CATSPERB: variants seen among roughly 807,000 people sequenced by gnomAD.
The protein encoded by CATSPERB is cation channel sperm-associated auxiliary subunit beta.
A neutral mutation model predicts 128.3 loss-of-function variants in CATSPERB; 93 were observed. That is an observed-to-expected ratio of 0.72 (90% CI 0.61 to 0.86). CATSPERB has a LOEUF of 0.86. CATSPERB is among the 40% of genes least tolerant of loss of function. CATSPERB has a pLI of 0.00. For missense variants in CATSPERB, 1,153 were observed against 1,329.5 expected, an observed-to-expected ratio of 0.87 and a Z score of 2.06; for synonymous variants, 381 against 448.8, an observed-to-expected ratio of 0.85 and a Z score of 1.91.
intron 22 of CATSPERB, chr14:91,604,483 C>T: frequency 6.3e-7 from 1 of 1,587,934 alleles, no homozygotes; most frequent in Non-Finnish European, 8.5e-7. Context: ...ACCTAGTGGT[C>T]TGCTGTATTA....
intron 15 of CATSPERB, among the ~76,000 whole-genome samples, chr14:91,639,812 G>A (rs1275705901): frequency 6.6e-6 from 1 of 150,632 alleles, no homozygotes; most frequent in African/African-American, 2.5e-5. Flanking sequence ...AGGAGCTAGA[G>A]TGAAAGATCA....
intron 18 of CATSPERB, among the ~76,000 whole-genome samples, chr14:91,623,573 T>A (rs1894095996): frequency 6.6e-6 from 1 of 152,224 alleles, no homozygotes; most frequent in Admixed American, 6.5e-5. Flanking sequence ...TAAGTGCCCA[T>A]CTTATTTCTC....
In CATSPERB at chr14:91,629,164, T is replaced by G. The variant is rs1244576918; in HGVS notation, c.1743-4157A>C. On this transcript the variant is annotated intron_variant, in intron 17 of 26. Transcript: ENST00000256343. ...ATAAATAAACTGCGGGATACTCAGA[T>G]GATGGAATATTATATGATTCAGCAC... Among the ~76,000 whole-genome samples the G allele has an allele frequency of 2.0e-5, 3 of 152,308 alleles. No homozygotes were observed. The East Asian group carries it at 5.8e-4, about 29-fold the overall frequency.
intron 5 of CATSPERB, chr14:91,710,315 T>A (rs558585185): frequency 6.6e-6 from 1 of 152,226 alleles, no homozygotes; most frequent in Admixed American, 6.5e-5. Flanking sequence ...TTTTAAACTA[T>A]ATGTATTCAA....
chr14:91,687,734 C>G (rs1474765028), intron 10 of CATSPERB, among the ~76,000 whole-genome samples: 1 of 152,106 alleles, frequency 6.6e-6, no homozygotes, highest in East Asian at 1.9e-4. Context: ...GTGGGTAGAT[C>G]ACTTGAGGTC....
At position 91,673,091 on chromosome 14, in the gene CATSPERB, A is replaced by G. The variant is rs894104063; in HGVS notation, c.979-75T>C. 7.2e-6 allele frequency: 9 copies of G among 1,251,168 alleles called. No individual in the cohort carries two copies. The African/African-American group carries it at 1.3e-4, about 17-fold the overall frequency. The allele number at this position is 1,251,168 out of a possible 1,614,324, so 77.5% of individuals were successfully genotyped here. On this transcript the variant is annotated intron_variant, in intron 12 of 26. Coordinates refer to ENST00000256343, the MANE Select transcript of CATSPERB (RefSeq NM_024764.4). ...CTAATTCTCTTAGTGAAACTAGCCC[A>G]CTTGTTCATAGAAGTAATATTTACA...
At chr14:91,719,529 C>T (rs1357436334) in intron 4 of CATSPERB, 51 bp from the exon 5 acceptor site, 3 of 1,323,888 alleles carry the variant, frequency 2.3e-6, no homozygotes, top group Non-Finnish European at 3.3e-6. Flanking sequence ...TGAATAACAA[C>T]ACATCACATT....
intron 15 of CATSPERB, among the ~76,000 whole-genome samples, chr14:91,657,100 G>T (rs1894801936): frequency 6.6e-6 from 1 of 151,940 alleles, no homozygotes; most frequent in African/African-American, 2.4e-5. Flanking sequence ...CTTTGGACAT[G>T]ATTTTCTGTC....
At chr14:91,721,566 A>T (rs1318523866) in intron 4 of CATSPERB, among the ~76,000 whole-genome samples, 1 of 152,058 alleles carries the variant, frequency 6.6e-6, no homozygotes, top group African/African-American at 2.4e-5. Context: ...AAGATAAATA[A>T]AGGCCAGGCA....
chr14:91,611,358 C>G (rs985729872), intron 20 of CATSPERB, among the ~76,000 whole-genome samples: 1 of 152,236 alleles, frequency 6.6e-6, no homozygotes, highest in East Asian at 1.9e-4. Flanking sequence ...GCCTGTAATC[C>G]CAGCACTTTG....
chr14:91,711,536 T>A (rs1895839562), intron 5 of CATSPERB, among the ~76,000 whole-genome samples: 1 of 152,222 alleles, frequency 6.6e-6, no homozygotes, highest in African/African-American at 2.4e-5. Flanking sequence ...TGGCTGGTTT[T>A]AAGATTCATT....
In CATSPERB at chr14:91,694,367, T is replaced by C. The variant is rs538067930; in HGVS notation, c.617-888A>G. ...GCTGAGGTGAGAGGATCGGTTGAGCTTGGGAGGTCAAGGCTGTAGTGAACT... is the reference window on the plus strand; with the variant it reads ...GCTGAGGTGAGAGGATCGGTTGAGCCTGGGAGGTCAAGGCTGTAGTGAACT... On this transcript the variant is annotated intron_variant, in intron 7 of 26. Coordinates refer to ENST00000256343, the MANE Select transcript of CATSPERB (RefSeq NM_024764.4). 4.7e-5 allele frequency among the ~76,000 whole-genome samples: 7 copies of C among 148,328 alleles called. No homozygotes were observed. The East Asian group carries it at 1.2e-3, about 25-fold the overall frequency.
At chr14:91,655,961 A>G (rs1894779128) in intron 15 of CATSPERB, among the ~76,000 whole-genome samples, 1 of 152,210 alleles carries the variant, frequency 6.6e-6, no homozygotes, top group South Asian at 2.1e-4. Context: ...AAAAGAATCA[A>G]TAACATACAA....
intron 15 of CATSPERB, among the ~76,000 whole-genome samples, chr14:91,657,642 G>A (rs1046483160): frequency 6.6e-6 from 1 of 151,992 alleles, no homozygotes; most frequent in African/African-American, 2.4e-5. Context: ...TTAATAACTA[G>A]AATATATAAA....
intron 22 of CATSPERB, among the ~76,000 whole-genome samples, chr14:91,595,313 TA>T (rs1893485417): frequency 6.6e-6 from 1 of 151,530 alleles, no homozygotes; most frequent in African/African-American, 2.4e-5. Flanking sequence ...TTTATTTATT[TA>T]TTTTTAATTT....
chr14:91,674,191 G>GT lies in CATSPERB; in HGVS notation c.962dup (p.Asn321LysfsTer6). 6.5e-7 allele frequency: 1 copy of GT among 1,541,540 alleles called. No homozygotes were observed. Among genetic ancestry groups the GT allele is most frequent in the Non-Finnish European group, 8.9e-7 (1 of 1,123,920 alleles). On this transcript the variant is annotated frameshift_variant, in exon 12 of 27. Coordinates refer to ENST00000256343, the MANE Select transcript of CATSPERB (RefSeq NM_024764.4). LOFTEE classifies it high-confidence loss of function. ...AATATCATACCTCACTTAGGGTTCTGTTTCTCTCAAAGGTAACTGTAACAT... is the reference window on the plus strand; with the variant it reads ...AATATCATACCTCACTTAGGGTTCTGTTTTCTCTCAAAGGTAACTGTAACAT...
intron 15 of CATSPERB, 98 bp downstream of exon 15, chr14:91,659,739 A>G: frequency 8.6e-7 from 1 of 1,157,086 alleles, no homozygotes; most frequent in Non-Finnish European, 1.2e-6. Context: ...AATAGTTTTG[A>G]GGTCTTAGGA....
At chr14:91,674,311 T>C in intron 11 of CATSPERB, 89 bp from the exon 12 acceptor site, 2 of 747,342 alleles carry the variant, frequency 2.7e-6, no homozygotes, top group African/African-American at 1.8e-5. Context: ...TTCATGAAAA[T>C]CATAGAAATT....
At chr14:91,624,641 C>CAA (rs372213358) in intron 18 of CATSPERB, among the ~76,000 whole-genome samples, 179 bp downstream of exon 18, 6 of 81,084 alleles carry the variant, frequency 7.4e-5, no homozygotes, top group Admixed American at 2.4e-4. Context: ...ACTCCATTGC[C>CAA]AAAAAAAAAA....
Sources: allele counts gnomAD v4.1 joint callset (sites outside exome capture counted in the v4.1 genomes callset), GRCh38; gene constraint gnomAD v4.1.1; transcripts MANE v1.5; gene names NCBI Gene and HGNC (gene_info 2026-07-23, HGNC 2026-07-21).